Variants in ERBB4 observed in about 807,000 individuals in gnomAD.
ERBB4 encodes the protein erb-b2 receptor tyrosine kinase 4.
Under a neutral mutation model 158.0 loss-of-function variants are expected in ERBB4, and 42 were observed. That is an observed-to-expected ratio of 0.27 (90% CI 0.21 to 0.34). The LOEUF (loss-of-function observed/expected upper bound fraction) is 0.34, where lower values mean the gene tolerates loss of function less well. ERBB4 is among the 10% of genes least tolerant of loss of function. The pLI is 1.00. For missense variants in ERBB4, 1,333 were observed against 1,624.1 expected (o/e 0.82, Z 3.08); for synonymous variants, 583 against 558.7 (o/e 1.04, Z -0.61).
intron 1 of ERBB4, among the ~76,000 whole-genome samples, chr2:212,249,702 T>C (rs893192023): frequency 6.6e-6 from 1 of 152,070 alleles, no homozygotes; most frequent in African/African-American, 2.4e-5. Context: ...CAGCTTTCTC[T>C]ATATTTGTAA....
chr2:211,709,304 TGAG>T (rs1378894149), intron 9 of ERBB4, among the ~76,000 whole-genome samples: 1 of 140,384 alleles, frequency 7.1e-6, no homozygotes, highest in African/African-American at 2.8e-5. Context: ...TATATATATA[TGAG>T]AGAGAGAGAG....
intron 22 of ERBB4, among the ~76,000 whole-genome samples, chr2:211,424,682 A>G (rs1015746726): frequency 1.3e-5 from 2 of 152,108 alleles, no homozygotes; most frequent in Non-Finnish European, 2.9e-5. Flanking sequence ...GTACCAATAA[A>G]TATGCTTTTG....
chr2:211,726,231 C>T (rs1274250918), intron 5 of ERBB4, among the ~76,000 whole-genome samples: 1 of 152,162 alleles, frequency 6.6e-6, no homozygotes, highest in African/African-American at 2.4e-5. Flanking sequence ...TAGCATTCCC[C>T]AGACCTGTTC....
intron 2 of ERBB4, among the ~76,000 whole-genome samples, chr2:212,000,199 G>A (rs1205655217): frequency 6.6e-6 from 1 of 151,636 alleles, no homozygotes; most frequent in Non-Finnish European, 1.5e-5. Context: ...CATCAATATT[G>A]CCTCTGACAA....
intron 1 of ERBB4, among the ~76,000 whole-genome samples, chr2:212,509,151 T>C (rs1691362194): frequency 6.6e-6 from 1 of 152,042 alleles, no homozygotes; most frequent in Non-Finnish European, 1.5e-5. Context: ...TGCCAATCCA[T>C]TTGGAATTGT....
At chr2:212,299,419 G>A (rs1013308246) in intron 1 of ERBB4, among the ~76,000 whole-genome samples, 16 of 151,532 alleles carry the variant, frequency 1.1e-4, no homozygotes, top group Non-Finnish European at 1.8e-4. Context: ...TATGTAATAC[G>A]AAAAAGTATG....
rs777598333 is a variant in ERBB4 at position 211,377,114 on chromosome 2, C to A, written c.*6501G>T. The A allele has an allele frequency of 8.6e-6, 2 of 232,702 alleles. No homozygotes were observed. The highest frequency in any genetic ancestry group is 1.2e-4 in the East Asian group (2 of 16,514). The allele number at this position is 232,702 out of a possible 1,614,324, so 14.4% of individuals were successfully genotyped here. Reference sequence around the variant, plus strand: ...GTGCTATGGTTGTAGTCCCCTCACTCCCCCCTCCCAGCCCCTGAGAGATCC... The same window carrying A: ...GTGCTATGGTTGTAGTCCCCTCACTACCCCCTCCCAGCCCCTGAGAGATCC... On this transcript the variant is annotated 3_prime_UTR_variant, in exon 28 of 28. Coordinates refer to ENST00000342788, the MANE Select transcript of ERBB4 (RefSeq NM_005235.3).
intron 20 of ERBB4, among the ~76,000 whole-genome samples, chr2:211,516,326 C>CT (rs897457415): frequency 3.3e-5 from 5 of 150,732 alleles, no homozygotes; most frequent in African/African-American, 9.7e-5. Context: ...TATTTCTTCC[C>CT]TTTTTTTTCT....
At chr2:212,262,475 T>C (rs983387795) in intron 1 of ERBB4, among the ~76,000 whole-genome samples, 1 of 152,090 alleles carries the variant, frequency 6.6e-6, no homozygotes, top group Non-Finnish European at 1.5e-5. Flanking sequence ...AGAAAAATCA[T>C]GAAAAGAGAG....
intron 1 of ERBB4, among the ~76,000 whole-genome samples, chr2:212,275,469 C>T (rs887651893): frequency 1.6e-4 from 24 of 152,022 alleles, no homozygotes; most frequent in South Asian, 2.1e-4. Context: ...GCCATTCTAA[C>T]TGGTGTGAGA....
At chr2:211,501,015 G>C (rs2125591041) in intron 20 of ERBB4, among the ~76,000 whole-genome samples, 1 of 151,792 alleles carries the variant, frequency 6.6e-6, no homozygotes, top group South Asian at 2.1e-4. Context: ...TCATTGGAAG[G>C]CCATTGTTTG....
At chr2:212,406,900 C>T (rs2091361105) in intron 1 of ERBB4, among the ~76,000 whole-genome samples, 1 of 152,090 alleles carries the variant, frequency 6.6e-6, no homozygotes, top group Non-Finnish European at 1.5e-5. Flanking sequence ...TCTTAGGTCT[C>T]TGAACATGCC....
At chr2:212,242,092 T>C (rs1285914804) in intron 1 of ERBB4, among the ~76,000 whole-genome samples, 2 of 151,930 alleles carry the variant, frequency 1.3e-5, no homozygotes, top group African/African-American at 4.8e-5. Flanking sequence ...CATTTCCAAG[T>C]TAAACAAACC....
intron 12 of ERBB4, among the ~76,000 whole-genome samples, chr2:211,683,510 ATTGT>A (rs2072441377): frequency 6.6e-6 from 1 of 152,038 alleles, no homozygotes; most frequent in South Asian, 2.1e-4. Context: ...TGTTGTGTTT[ATTGT>A]TTGTTTCTTT....
intron 16 of ERBB4, among the ~76,000 whole-genome samples, chr2:211,638,288 G>C (rs1173908660): frequency 1.3e-5 from 2 of 151,896 alleles, no homozygotes; most frequent in African/African-American, 2.4e-5. Context: ...GTTCAGATTT[G>C]AAACAAGAGA....
At chr2:211,677,711 A>C (rs896282552) in intron 13 of ERBB4, among the ~76,000 whole-genome samples, 3 of 151,918 alleles carry the variant, frequency 2.0e-5, no homozygotes, top group African/African-American at 7.2e-5. Context: ...CGTCTCTACC[A>C]AAAATACAAA....
chr2:211,792,044 C>T (rs530967338), intron 3 of ERBB4, among the ~76,000 whole-genome samples: 21 of 151,758 alleles, frequency 1.4e-4, no homozygotes, highest in African/African-American at 4.3e-4. Flanking sequence ...TAGCATCAAA[C>T]CTAGAGCAAC....
chr2:212,094,357 T>A (rs1439757079), intron 2 of ERBB4, among the ~76,000 whole-genome samples: 1 of 132,162 alleles, frequency 7.6e-6, no homozygotes, highest in Non-Finnish European at 1.7e-5. Flanking sequence ...ATATGAATAG[T>A]TTTCCAGACA....
At chr2:212,521,089 C>T (rs1429070951) in intron 1 of ERBB4, among the ~76,000 whole-genome samples, 2 of 151,866 alleles carry the variant, frequency 1.3e-5, no homozygotes, top group South Asian at 2.1e-4. Flanking sequence ...TTCAGTCATA[C>T]ATTGTTTTAG....
Sources: allele counts gnomAD v4.1 joint callset (sites outside exome capture counted in the v4.1 genomes callset), GRCh38; gene constraint gnomAD v4.1.1; transcripts MANE v1.5; gene names NCBI Gene and HGNC (gene_info 2026-07-23, HGNC 2026-07-21).